RNF111: variants seen among roughly 807,000 people sequenced by gnomAD.
The protein encoded by RNF111 is E3 ubiquitin-protein ligase Arkadia.
In RNF111, 17 loss-of-function variants were observed where a neutral mutation model predicts 95.1. The observed-to-expected ratio is 0.18, with a 90% confidence interval of 0.12 to 0.27. RNF111 has a LOEUF of 0.27. Among genes scored for constraint, RNF111 ranks in the 10% least tolerant of loss-of-function variants. The pLI is 1.00. For synonymous variants in RNF111, 440 were observed against 414.8 expected (o/e 1.06, Z -0.74); for missense variants, 1,189 against 1,210.4 (o/e 0.98, Z 0.26).
At chr15:59,009,705 A>G (rs2039702814) in intron 1 of RNF111, among the ~76,000 whole-genome samples, 1 of 152,062 alleles carries the variant, frequency 6.6e-6, no homozygotes, top group Admixed American at 6.6e-5. Context: ...CTGTAATCTC[A>G]ACACTTTGAG....
intron 11 of RNF111, among the ~76,000 whole-genome samples, chr15:59,090,373 G>T (rs2079018151): frequency 6.6e-6 from 1 of 152,128 alleles, no homozygotes; most frequent in Admixed American, 6.6e-5. Context: ...GGGATTACAG[G>T]TGCCCGCCAC....
At chr15:59,003,635 C>T (rs1160412460) in intron 1 of RNF111, among the ~76,000 whole-genome samples, 2 of 152,194 alleles carry the variant, frequency 1.3e-5, no homozygotes, top group African/African-American at 4.8e-5. Context: ...CTCCTGAGCT[C>T]AAGCGATCTG....
intron 1 of RNF111, among the ~76,000 whole-genome samples, chr15:59,002,247 C>G (rs890823943): frequency 1.3e-5 from 2 of 152,174 alleles, no homozygotes; most frequent in Non-Finnish European, 2.9e-5. Flanking sequence ...CCCGCCATTT[C>G]TCTGATGTAT....
Position 59,041,565 on chromosome 15 carries a change from GA to G in RNF111, c.880+9873del, listed in dbSNP as rs371340946. 9.6e-3 allele frequency among the ~76,000 whole-genome samples: 1,429 copies of G among 148,232 alleles called. 27 individuals are homozygous for G. The highest frequency in any genetic ancestry group is 0.038 in the Middle Eastern group (11 of 290). On this transcript the variant is annotated intron_variant, in intron 2 of 13. Coordinates refer to ENST00000348370, the MANE Select transcript of RNF111 (RefSeq NM_017610.8). Reference sequence around the variant, plus strand: ...GACAGAGTGGGACTCTGTCTCAAAAGAAAAAAAAAATTACTGCAATAAATAG... The same window carrying G: ...GACAGAGTGGGACTCTGTCTCAAAAGAAAAAAAAATTACTGCAATAAATAG...
intron 6 of RNF111, among the ~76,000 whole-genome samples, chr15:59,067,799 C>CT (rs1318867549): frequency 5.3e-5 from 8 of 152,134 alleles, no homozygotes. Context: ...CAGTTTTCCC[C>CT]TTTTACCTCC....
chr15:59,007,137 G>A (rs1295163972), intron 1 of RNF111, among the ~76,000 whole-genome samples: 2 of 152,040 alleles, frequency 1.3e-5, no homozygotes, highest in Non-Finnish European at 2.9e-5. Context: ...TTTAAGTTTT[G>A]CCAAATGCAT....
intron 1 of RNF111, among the ~76,000 whole-genome samples, chr15:58,996,788 A>G (rs1342871776): frequency 6.6e-6 from 1 of 151,208 alleles, no homozygotes; most frequent in African/African-American, 2.4e-5. Flanking sequence ...GTGTTTTTTC[A>G]AAGTAATATT....
chr15:59,086,223 G>A (rs2078897349), intron 10 of RNF111, among the ~76,000 whole-genome samples: 1 of 152,004 alleles, frequency 6.6e-6, no homozygotes, highest in Non-Finnish European at 1.5e-5. Flanking sequence ...GGGTTCAAGT[G>A]ATTCTCCTGC....
At chr15:59,063,206 C>T (rs1480041719) in intron 5 of RNF111, among the ~76,000 whole-genome samples, 2 of 152,166 alleles carry the variant, frequency 1.3e-5, no homozygotes, top group Non-Finnish European at 2.9e-5. Context: ...ATTGAGCCAC[C>T]TACATTGTGC....
intron 2 of RNF111, among the ~76,000 whole-genome samples, chr15:59,044,068 C>G (rs761017191): frequency 2.3e-4 from 35 of 151,886 alleles, no homozygotes; most frequent in Non-Finnish European, 4.1e-4. Flanking sequence ...TTCGCTTTTG[C>G]CGCCCAGGCT....
intron 6 of RNF111, among the ~76,000 whole-genome samples, chr15:59,071,197 C>G (rs2042908618): frequency 6.7e-6 from 1 of 150,274 alleles, no homozygotes; most frequent in East Asian, 2.0e-4. Flanking sequence ...ACTCGGGAGG[C>G]TGAGGCAGGA....
At chr15:59,070,620 C>T (rs2042879005) in intron 6 of RNF111, among the ~76,000 whole-genome samples, 1 of 152,156 alleles carries the variant, frequency 6.6e-6, no homozygotes, top group Non-Finnish European at 1.5e-5. Context: ...GATTGTACAG[C>T]TCAACAGAAG....
At chr15:59,016,188 A>G (rs1412725234) in intron 1 of RNF111, among the ~76,000 whole-genome samples, 3 of 139,012 alleles carry the variant, frequency 2.2e-5, no homozygotes, top group African/African-American at 5.4e-5. Flanking sequence ...TTTTTTTTTT[A>G]GAGATAGAGT....
intron 2 of RNF111, among the ~76,000 whole-genome samples, chr15:59,032,894 C>T (rs190003309): frequency 7.2e-5 from 11 of 152,242 alleles, no homozygotes; most frequent in Admixed American, 5.9e-4. Flanking sequence ...TGCTGACTCT[C>T]TCTCTCTCTC....
At chr15:59,068,457 T>C (rs777080278) in intron 6 of RNF111, among the ~76,000 whole-genome samples, 3 of 150,802 alleles carry the variant, frequency 2.0e-5, no homozygotes, top group Non-Finnish European at 4.4e-5. Flanking sequence ...AATACAAAAA[T>C]TAGCTGGGTG....
chr15:59,054,593 G>T (rs1486731534), intron 3 of RNF111, among the ~76,000 whole-genome samples: 4 of 152,008 alleles, frequency 2.6e-5, no homozygotes, highest in African/African-American at 7.2e-5. Context: ...TTTCTGATAT[G>T]TACTATCCTA....
chr15:59,081,533 A>AC lies in RNF111; in HGVS notation c.2297+249_2297+250insC, dbSNP rs201447006. On this transcript the variant is annotated intron_variant, in intron 8 of 13. Transcript: ENST00000348370. ...AGAACAAAGAACAGCAACAACAACA[A>AC]AAAAAACCATGAAGTCTTTAGAAAT... Among the ~76,000 whole-genome samples the AC allele has an allele frequency of 3.8e-3, 582 of 152,150 alleles. 8 individuals are homozygous for AC. The highest frequency in any genetic ancestry group is 0.013 in the African/African-American group (556 of 41,502).
At chr15:59,036,300 C>G (rs1044462083) in intron 2 of RNF111, among the ~76,000 whole-genome samples, 1 of 152,036 alleles carries the variant, frequency 6.6e-6, no homozygotes, top group Non-Finnish European at 1.5e-5. Context: ...TCAAGAGATC[C>G]GCTGCCCACC....
At chr15:58,992,949 A>G (rs1316205977) in intron 1 of RNF111, among the ~76,000 whole-genome samples, 2 of 152,184 alleles carry the variant, frequency 1.3e-5, no homozygotes, top group Non-Finnish European at 2.9e-5. Context: ...CAGGCGGATC[A>G]CCTGAGGTCA....
Sources: gnomAD v4.1 joint callset for allele counts (sites outside exome capture counted in the v4.1 genomes callset) on GRCh38, gnomAD v4.1.1 for gene constraint, MANE v1.5 for transcripts, NCBI Gene and HGNC (gene_info 2026-07-23, HGNC 2026-07-21) for gene names.